ADAMTSL1: variants seen among roughly 807,000 people sequenced by gnomAD.
ADAMTSL1 encodes ADAMTS like 1.
In ADAMTSL1, 126 loss-of-function variants were observed where a neutral mutation model predicts 201.8. That is an observed-to-expected ratio of 0.62 (90% CI 0.54 to 0.72). ADAMTSL1 has a LOEUF of 0.72. ADAMTSL1 is among the 30% of genes least tolerant of loss of function. The pLI is 0.00. For synonymous variants in ADAMTSL1, 1,121 were observed against 903.4 expected (o/e 1.24, Z -4.32); for missense variants, 2,679 against 2,277.8 (o/e 1.18, Z -3.59).
chr9:18,249,010 A>C (rs564017546), intron 2 of ADAMTSL1, among the ~76,000 whole-genome samples: 1 of 152,190 alleles, frequency 6.6e-6, no homozygotes. Context: ...ATAGATTTGC[A>C]TATGGATTGA....
chr9:18,306,443 T>G, intron 2 of ADAMTSL1, among the ~76,000 whole-genome samples: 1 of 151,902 alleles, frequency 6.6e-6, no homozygotes, highest in Admixed American at 6.6e-5. Context: ...GCTAAGAACT[T>G]TGAAAAAAGG....
chr9:18,440,602 A>C (rs1035573567), intron 2 of ADAMTSL1, among the ~76,000 whole-genome samples: 32 of 150,448 alleles, frequency 2.1e-4, no homozygotes, highest in Non-Finnish European at 3.8e-4. Flanking sequence ...TCAGATGTAT[A>C]ATATATATAT....
intron 1 of ADAMTSL1, among the ~76,000 whole-genome samples, chr9:18,041,518 A>C (rs1316690629): frequency 1.3e-5 from 2 of 152,178 alleles, no homozygotes; most frequent in African/African-American, 4.8e-5. Flanking sequence ...TTCAGTTTAA[A>C]ATTCAGACAT....
At chr9:18,895,893 A>C (rs1332491393) in intron 26 of ADAMTSL1, among the ~76,000 whole-genome samples, 15 of 152,260 alleles carry the variant, frequency 9.9e-5, no homozygotes. Context: ...GGCATTGAAC[A>C]TTAAAGACAA....
intron 22 of ADAMTSL1, among the ~76,000 whole-genome samples, chr9:18,828,834 C>T (rs965652001): frequency 3.3e-5 from 5 of 151,350 alleles, no homozygotes; most frequent in Non-Finnish European, 7.4e-5. Context: ...GACTCAGGCA[C>T]CATCATGACT....
At chr9:18,827,142 G>C (rs1301532128) in intron 22 of ADAMTSL1, among the ~76,000 whole-genome samples, 2 of 148,316 alleles carry the variant, frequency 1.3e-5, no homozygotes, top group Admixed American at 1.4e-4. Context: ...CACTGAGTCT[G>C]GGTGCTAGGG....
intron 1 of ADAMTSL1, among the ~76,000 whole-genome samples, chr9:17,916,183 A>G (rs1192387755): frequency 6.6e-6 from 1 of 152,206 alleles, no homozygotes. Flanking sequence ...AGCCTCCCAA[A>G]GTACTGGGAT....
chr9:18,698,912 AG>A (rs1446098696), intron 13 of ADAMTSL1, among the ~76,000 whole-genome samples: 3 of 152,164 alleles, frequency 2.0e-5, no homozygotes, highest in Non-Finnish European at 4.4e-5. Flanking sequence ...ACCCTCCGTT[AG>A]TAAGACTCCT....
At chr9:18,375,292 C>T (rs147025312) in intron 2 of ADAMTSL1, among the ~76,000 whole-genome samples, 17 of 152,198 alleles carry the variant, frequency 1.1e-4, no homozygotes, top group Non-Finnish European at 2.2e-4. Context: ...ATTATTACCT[C>T]AGTCATATCC....
At chr9:18,747,969 G>A (rs1819242901) in intron 15 of ADAMTSL1, among the ~76,000 whole-genome samples, 1 of 152,236 alleles carries the variant, frequency 6.6e-6, no homozygotes, top group South Asian at 2.1e-4. Flanking sequence ...AGGGCAGGAA[G>A]ACTAATTCCA....
chr9:18,713,903 C>T (rs1439604245), intron 14 of ADAMTSL1, among the ~76,000 whole-genome samples: 2 of 149,564 alleles, frequency 1.3e-5, no homozygotes, highest in African/African-American at 4.9e-5. Flanking sequence ...AACTATCTCT[C>T]AGACCACAGT....
chr9:18,035,609 C>A (rs1385657203), intron 1 of ADAMTSL1, among the ~76,000 whole-genome samples: 2 of 152,096 alleles, frequency 1.3e-5, no homozygotes, highest in African/African-American at 2.4e-5. Flanking sequence ...AAAATTGCAA[C>A]CTATTTTCCC....
At chr9:18,007,170 G>C (rs904121826) in intron 1 of ADAMTSL1, among the ~76,000 whole-genome samples, 2 of 151,970 alleles carry the variant, frequency 1.3e-5, no homozygotes, top group African/African-American at 4.8e-5. Context: ...GTTTAAGCCA[G>C]GTTCCTCAAA....
At chr9:18,805,102 G>C (rs998869007) in intron 20 of ADAMTSL1, among the ~76,000 whole-genome samples, 5 of 152,036 alleles carry the variant, frequency 3.3e-5, no homozygotes, top group African/African-American at 7.2e-5. Context: ...AACTCTAATG[G>C]GGGTCACCCA....
At chr9:18,672,881 C>A (rs1319336011) in intron 9 of ADAMTSL1, among the ~76,000 whole-genome samples, 1 of 137,404 alleles carries the variant, frequency 7.3e-6, no homozygotes, top group Non-Finnish European at 1.7e-5. Context: ...CTTGCTCATG[C>A]TCACCTTCTC....
At chr9:18,320,636 T>C (rs10118639) in intron 2 of ADAMTSL1, among the ~76,000 whole-genome samples, 91,014 of 151,970 alleles carry the variant, frequency 0.6, 27,582 homozygotes, top group Admixed American at 0.7. Context: ...ATAGCTGGTT[T>C]TTAATGCAAA....
chr9:18,644,861 T>A (rs1350482565), intron 7 of ADAMTSL1, among the ~76,000 whole-genome samples: 1 of 151,996 alleles, frequency 6.6e-6, no homozygotes, highest in East Asian at 1.9e-4. Context: ...TGTGCATGTG[T>A]CTTTATAGCA....
rs553385296 is a variant in ADAMTSL1 at position 18,111,848 on chromosome 9, A to T, written c.88-52014A>T. On this transcript the variant is annotated intron_variant, in intron 1 of 29. Coordinates refer to the ADAMTSL1 transcript ENST00000680146. Reference sequence around the variant, plus strand: ...CAACTCTTTCCTGATATCACTGGTGAGTCCACCCCATCAGTACTACCAGTA... The same window carrying T: ...CAACTCTTTCCTGATATCACTGGTGTGTCCACCCCATCAGTACTACCAGTA... 2.0e-5 allele frequency among the ~76,000 whole-genome samples: 3 copies of T among 152,314 alleles called. No homozygotes were observed. The South Asian group carries it at 6.2e-4, about 32-fold the overall frequency.
At position 18,850,277 on chromosome 9, in the gene ADAMTSL1, TC is replaced by T. The variant is rs1826406919; in HGVS notation, c.4249+20303del. 2.0e-5 allele frequency among the ~76,000 whole-genome samples: 3 copies of T among 152,212 alleles called. No individual in the cohort carries two copies. In the South Asian group the frequency reaches 6.2e-4, roughly 31 times the overall value. ...AGGAATGATGTGAATGAGTTTCATG[TC>T]CCTGAAATAGACAGGGATTGAAAGT... On this transcript the variant is annotated intron_variant, in intron 23 of 28. Coordinates refer to ENST00000380548, the MANE Select transcript of ADAMTSL1 (RefSeq NM_001040272.6).
Sources: gnomAD v4.1 joint callset for allele counts (sites outside exome capture counted in the v4.1 genomes callset) on GRCh38, gnomAD v4.1.1 for gene constraint, MANE v1.5 for transcripts, NCBI Gene and HGNC (gene_info 2026-07-23, HGNC 2026-07-21) for gene names.